C8orf34: variants seen among roughly 807,000 people sequenced by gnomAD.
The protein encoded by C8orf34 is uncharacterized protein C8orf34.
C8orf34 carries 65 observed loss-of-function variants against 68.3 expected under a neutral mutation model. The ratio of observed to expected loss-of-function variants is 0.95; its 90% CI spans 0.78 to 1.17. The LOEUF (loss-of-function observed/expected upper bound fraction) is 1.17, where lower values mean the gene tolerates loss of function less well. Among genes scored for constraint, C8orf34 ranks in the 50% most tolerant of loss-of-function variants. The pLI is 0.00. For missense variants in C8orf34, 664 were observed against 655.4 expected (o/e 1.01, Z -0.14); for synonymous variants, 244 against 241.2 (o/e 1.01, Z -0.11).
intron 10 of C8orf34, among the ~76,000 whole-genome samples, chr8:68,766,777 G>A (rs1409513817): frequency 6.6e-6 from 1 of 152,118 alleles, no homozygotes; most frequent in East Asian, 1.9e-4. Context: ...ATAGTTGTCT[G>A]TTTATATTTA....
At chr8:68,351,425 A>T (rs1298912738) in intron 1 of C8orf34, among the ~76,000 whole-genome samples, 1 of 152,042 alleles carries the variant, frequency 6.6e-6, no homozygotes, top group Non-Finnish European at 1.5e-5. Flanking sequence ...AAATCTGATG[A>T]TGATGCATCT....
At chr8:68,494,456 G>A (rs181343215) in intron 5 of C8orf34, among the ~76,000 whole-genome samples, 72 of 152,322 alleles carry the variant, frequency 4.7e-4, no homozygotes, top group African/African-American at 1.7e-3. Flanking sequence ...GGTTCGCACA[G>A]AGATTGGCTG....
At chr8:68,531,554 A>G (rs761855260) in intron 6 of C8orf34, among the ~76,000 whole-genome samples, 1 of 152,156 alleles carries the variant, frequency 6.6e-6, no homozygotes. Flanking sequence ...ATTATATCAT[A>G]TTAGGAAGTA....
At chr8:68,580,679 G>A (rs1817037358) in intron 7 of C8orf34, among the ~76,000 whole-genome samples, 1 of 152,080 alleles carries the variant, frequency 6.6e-6, no homozygotes, top group Admixed American at 6.6e-5. Context: ...TAAGGAGATA[G>A]GAGATAAGCT....
chr8:68,711,463 A>G (rs1821327349), intron 9 of C8orf34, among the ~76,000 whole-genome samples: 1 of 152,108 alleles, frequency 6.6e-6, no homozygotes, highest in Non-Finnish European at 1.5e-5. Context: ...TAGGTAGCAT[A>G]AATAAAAAAT....
At chr8:68,673,199 C>T (rs1464279856) in intron 8 of C8orf34, among the ~76,000 whole-genome samples, 1 of 152,078 alleles carries the variant, frequency 6.6e-6, no homozygotes, top group Non-Finnish European at 1.5e-5. Flanking sequence ...AGCATATTGC[C>T]AGCTATGGTG....
At chr8:68,756,377 T>A (rs1326091974) in intron 10 of C8orf34, among the ~76,000 whole-genome samples, 1 of 152,238 alleles carries the variant, frequency 6.6e-6, no homozygotes, top group Non-Finnish European at 1.5e-5. Context: ...ACTTCTGGCC[T>A]ATGATTCTAG....
chr8:68,554,867 G>A (rs1322802174), intron 7 of C8orf34, among the ~76,000 whole-genome samples: 4 of 151,976 alleles, frequency 2.6e-5, no homozygotes, highest in African/African-American at 9.7e-5. Flanking sequence ...ATTACTTTAT[G>A]TGCCATTATA....
At chr8:68,416,502 A>G (rs114481691) in intron 1 of C8orf34, among the ~76,000 whole-genome samples, 2,660 of 148,180 alleles carry the variant, frequency 0.018, 100 homozygotes, top group African/African-American at 0.063. Flanking sequence ...ATTTTATTTT[A>G]TTAAACATAC....
chr8:68,470,211 G>T (rs1456616966), intron 4 of C8orf34, among the ~76,000 whole-genome samples: 2 of 151,974 alleles, frequency 1.3e-5, no homozygotes, highest in Non-Finnish European at 2.9e-5. Flanking sequence ...TCTTCATATG[G>T]CAAAGGCACA....
intron 9 of C8orf34, among the ~76,000 whole-genome samples, chr8:68,712,208 C>T (rs1821346773): frequency 6.6e-6 from 1 of 151,990 alleles, no homozygotes; most frequent in Admixed American, 6.6e-5. Flanking sequence ...GAAACAAATC[C>T]CTGAAATACA....
intron 1 of C8orf34, among the ~76,000 whole-genome samples, chr8:68,421,132 C>G (rs1369092500): frequency 6.6e-6 from 1 of 152,012 alleles, no homozygotes; most frequent in Non-Finnish European, 1.5e-5. Context: ...ATTACAAAAA[C>G]AAGACAAAAC....
chr8:68,772,707 CTTTCTTTCTTTCTTTCTT>C (rs893542177), intron 10 of C8orf34, among the ~76,000 whole-genome samples: 4 of 131,436 alleles, frequency 3.0e-5, no homozygotes, highest in African/African-American at 8.6e-5. Flanking sequence ...CCCTCCCTCT[CTTTCTTTCTTTCTTTCTT>C]TTTCTTTCTT....
intron 7 of C8orf34, among the ~76,000 whole-genome samples, chr8:68,550,008 G>A (rs1163148952): frequency 6.6e-6 from 1 of 151,670 alleles, no homozygotes; most frequent in Non-Finnish European, 1.5e-5. Context: ...AGAGTTTCTT[G>A]TAGACAGTAC....
intron 1 of C8orf34, among the ~76,000 whole-genome samples, chr8:68,344,924 T>G (rs1806219515): frequency 6.6e-6 from 1 of 152,040 alleles, no homozygotes; most frequent in South Asian, 2.1e-4. Flanking sequence ...ATCTCTAGAA[T>G]ATAAGTGTGT....
At chr8:68,706,237 G>A (rs1023725769) in intron 8 of C8orf34, among the ~76,000 whole-genome samples, 7 of 152,186 alleles carry the variant, frequency 4.6e-5, no homozygotes, top group Admixed American at 1.3e-4. Flanking sequence ...GTCTGCCTTC[G>A]CAGGAGTGAC....
intron 8 of C8orf34, among the ~76,000 whole-genome samples, chr8:68,646,664 C>G (rs1819182848): frequency 6.6e-6 from 1 of 152,066 alleles, no homozygotes; most frequent in Non-Finnish European, 1.5e-5. Context: ...CCATTCTATT[C>G]TTTACTTCTA....
At chr8:68,585,639 T>A (rs1410918724) in intron 7 of C8orf34, among the ~76,000 whole-genome samples, 1 of 152,082 alleles carries the variant, frequency 6.6e-6, no homozygotes, top group East Asian at 1.9e-4. Context: ...TAGGGTCTCA[T>A]GTGAGTTTGC....
intron 1 of C8orf34, among the ~76,000 whole-genome samples, chr8:68,431,503 A>AG (rs1162137305): frequency 1.3e-5 from 2 of 152,138 alleles, no homozygotes; most frequent in African/African-American, 4.8e-5. Context: ...CCTAACACTA[A>AG]ATCAGTTGCT....
Sources: allele counts gnomAD v4.1 joint callset (sites outside exome capture counted in the v4.1 genomes callset), GRCh38; gene constraint gnomAD v4.1.1; transcripts MANE v1.5; gene names NCBI Gene and HGNC (gene_info 2026-07-23, HGNC 2026-07-21).